Variants in PINX1 observed in about 807,000 individuals in gnomAD.
PINX1 encodes the protein PIN2 (TERF1) interacting telomerase inhibitor 1.
PINX1 carries 34 observed loss-of-function variants against 25.4 expected under a neutral mutation model. The ratio of observed to expected loss-of-function variants is 1.34; its 90% CI spans 1.02 to 1.78. The LOEUF (loss-of-function observed/expected upper bound fraction) is 1.78, where lower values mean the gene tolerates loss of function less well. Among genes scored for constraint, PINX1 ranks in the 40% most tolerant of loss-of-function variants. The pLI, the probability that PINX1 is intolerant of heterozygous loss-of-function variation, is 0.00. For synonymous variants in PINX1, 197 were observed against 147.7 expected (o/e 1.33, Z -2.42); for missense variants, 592 against 404.9 (o/e 1.46, Z -3.97).
At chr8:10,820,972 C>A (rs747927840) in intron 5 of PINX1, among the ~76,000 whole-genome samples, 1 of 152,316 alleles carries the variant, frequency 6.6e-6, no homozygotes, top group East Asian at 1.9e-4. Context: ...TAATTTCAAA[C>A]CCCCAAACCA....
chr8:10,820,109 A>C, intron 6 of PINX1, 84 bp downstream of exon 6: 1 of 848,090 alleles, frequency 1.2e-6, no homozygotes, highest in Non-Finnish European at 2.0e-6. Context: ...GAAAAGTACT[A>C]GTCATAGATA....
In PINX1 at chr8:10,836,692, G is replaced by T. The variant is rs186784074; in HGVS notation, c.20-1917C>A. The stretch of plus-strand genomic sequence containing the variant: ...TGTTTCCAAACAAGGATGTTGGGGG[G>T]GCGGGGGGTGGCAGTTTCCCATTGA... On this transcript the variant is annotated intron_variant, in intron 1 of 6. Coordinates refer to ENST00000314787, the MANE Select transcript of PINX1 (RefSeq NM_017884.6). Among the ~76,000 whole-genome samples the T allele has an allele frequency of 1.7e-3, 258 of 152,162 alleles. 1 individual carries two copies. Among genetic ancestry groups the T allele is most frequent in the Non-Finnish European group, 2.7e-3 (181 of 67,996 alleles).
rs769088923 is a variant in PINX1, at chr8:10,839,675, C to G, written c.19+63G>C. The G allele has an allele frequency of 5.2e-6, 8 of 1,542,420 alleles. No homozygotes were observed. The Admixed American group carries it at 9.3e-5, about 18-fold the overall frequency. On this transcript the variant is annotated intron_variant, in intron 1 of 6. Transcript: ENST00000314787. ...CGAGCTCCCAGCCACTCCGGGCTGC[C>G]GTGCGCGTCACCCGGCATCTTCACC...
chr8:10,813,387 A>G (rs957359397), intron 6 of PINX1, among the ~76,000 whole-genome samples: 1 of 152,000 alleles, frequency 6.6e-6, no homozygotes, highest in African/African-American at 2.4e-5. Flanking sequence ...GGCAATAAAG[A>G]GACTCTTCTC....
chr8:10,839,525 C>G (rs72549108), intron 1 of PINX1, among the ~76,000 whole-genome samples: 3,258 of 152,304 alleles, frequency 0.021, 134 homozygotes, highest in African/African-American at 0.074. Flanking sequence ...CCGGGAGACA[C>G]TTGCGGTCTC....
chr8:10,800,828 C>T (rs1802243267), intron 6 of PINX1, among the ~76,000 whole-genome samples: 1 of 152,182 alleles, frequency 6.6e-6, no homozygotes, highest in Non-Finnish European at 1.5e-5. Context: ...GGACAGCACT[C>T]TCTTCTCTTT....
intron 6 of PINX1, among the ~76,000 whole-genome samples, chr8:10,776,316 T>G (rs1170918635): frequency 1.3e-5 from 2 of 151,996 alleles, no homozygotes; most frequent in East Asian, 1.9e-4. Flanking sequence ...TCCCAGCTAC[T>G]TGGGAGGCTG....
chr8:10,811,195 G>C (rs1797512059), intron 6 of PINX1, among the ~76,000 whole-genome samples: 1 of 152,216 alleles, frequency 6.6e-6, no homozygotes, highest in Non-Finnish European at 1.5e-5. Context: ...GGGGCTCAGA[G>C]AGGTTAAATA....
intron 6 of PINX1, among the ~76,000 whole-genome samples, chr8:10,768,712 T>C (rs1801134303): frequency 6.6e-6 from 1 of 152,178 alleles, no homozygotes; most frequent in Non-Finnish European, 1.5e-5. Flanking sequence ...AAAAATACAT[T>C]GAAAATCTGA....
chr8:10,801,379 C>G (rs573003461), intron 6 of PINX1, among the ~76,000 whole-genome samples: 1 of 152,186 alleles, frequency 6.6e-6, no homozygotes, highest in Non-Finnish European at 1.5e-5. Flanking sequence ...CTTAAAGAGT[C>G]TCCAAGTACT....
intron 6 of PINX1, among the ~76,000 whole-genome samples, chr8:10,786,967 T>G (rs1247727331): frequency 6.6e-6 from 1 of 152,114 alleles, no homozygotes; most frequent in African/African-American, 2.4e-5. Flanking sequence ...CCGATCTCAG[T>G]GAATTATCTC....
At chr8:10,801,500 G>C (rs887443895) in intron 6 of PINX1, among the ~76,000 whole-genome samples, 15 of 152,210 alleles carry the variant, frequency 9.9e-5, no homozygotes, top group African/African-American at 3.6e-4. Flanking sequence ...CCCTCGCCTA[G>C]AAGCAAAAAG....
At chr8:10,808,124 T>A (rs1021485934) in intron 6 of PINX1, among the ~76,000 whole-genome samples, 2 of 152,208 alleles carry the variant, frequency 1.3e-5, no homozygotes, top group African/African-American at 4.8e-5. Flanking sequence ...GGGTACGATA[T>A]TTACATAGCA....
At chr8:10,828,289 C>T (rs1798118737) in intron 4 of PINX1, among the ~76,000 whole-genome samples, 1 of 152,218 alleles carries the variant, frequency 6.6e-6, no homozygotes, top group Admixed American at 6.5e-5. Flanking sequence ...ATAACATTTT[C>T]AATGCTGATG....
intron 6 of PINX1, among the ~76,000 whole-genome samples, chr8:10,788,805 A>G (rs1360156252): frequency 6.6e-6 from 1 of 152,184 alleles, no homozygotes; most frequent in Non-Finnish European, 1.5e-5. Context: ...CTGTGCGCTG[A>G]CTCAGACAGC....
chr8:10,796,082 G>A (rs911318204), intron 6 of PINX1, among the ~76,000 whole-genome samples: 2 of 152,224 alleles, frequency 1.3e-5, no homozygotes, highest in Non-Finnish European at 2.9e-5. Context: ...GAGATTTGGA[G>A]AACCAGTCAG....
rs549694916 is a variant in PINX1 at position 10,765,719 on chromosome 8, A to G, written c.669T>C (p.Asp223=). Residue 223 remains aspartate (D), a synonymous_variant, in exon 7 of 7, where the codon GAT becomes GAC. Transcript: ENST00000314787. ...KKRNKEATGK[D]VESYLQPKAK... ...CCTTAGGCTGGAGGTAACTTTCCAC[A>G]TCTTTACCTGTGGCCTCTTTATTTC... 7 of 1,613,814 alleles carry G rather than the reference A, an allele frequency of 4.3e-6. No homozygotes were observed. Among genetic ancestry groups the G allele is most frequent in the Non-Finnish European group, 4.2e-6 (5 of 1,179,880 alleles).
intron 6 of PINX1, among the ~76,000 whole-genome samples, chr8:10,818,575 G>C (rs773244663): frequency 1.4e-4 from 21 of 152,208 alleles, no homozygotes; most frequent in Non-Finnish European, 2.2e-4. Context: ...GTGTCCGGGA[G>C]GGCAAAGGCT....
intron 5 of PINX1, chr8:10,825,567 G>T: frequency 2.3e-6 from 1 of 436,140 alleles, no homozygotes; most frequent in South Asian, 1.7e-5. Flanking sequence ...ACTGGGAAGG[G>T]GCTAGGGAGG....
Sources: allele counts gnomAD v4.1 joint callset (sites outside exome capture counted in the v4.1 genomes callset), GRCh38; gene constraint gnomAD v4.1.1; transcripts MANE v1.5; gene names NCBI Gene and HGNC (gene_info 2026-07-23, HGNC 2026-07-21).